The following TNKS variants were observed in gnomAD, a reference collection of about 807,000 sequenced individuals.
TNKS encodes the protein tankyrase, also known as poly [ADP-ribose] polymerase tankyrase-1.
Under a neutral mutation model 135.8 loss-of-function variants are expected in TNKS, and 72 were observed. That is an observed-to-expected ratio of 0.53 (90% CI 0.44 to 0.64). TNKS has a LOEUF of 0.64. Ranked by LOEUF, TNKS falls within the 30% of genes least tolerant of loss-of-function variation. The probability of loss-of-function intolerance (pLI) is 0.00; values close to 1 mark genes in which losing one functional copy is unlikely to be tolerated. For synonymous variants in TNKS, 849 were observed against 649.3 expected, an observed-to-expected ratio of 1.31 and a Z score of -4.68; for missense variants, 1,769 against 1,674.0, an observed-to-expected ratio of 1.06 and a Z score of -0.99.
At chr8:9,633,082 A>G (rs1487361248) in intron 3 of TNKS, among the ~76,000 whole-genome samples, 1 of 150,638 alleles carries the variant, frequency 6.6e-6, no homozygotes, top group African/African-American at 2.4e-5. Context: ...CATTATGGAA[A>G]ATGGTACATT....
At position 9,755,245 on chromosome 8, in the gene TNKS, A is replaced by C. The variant is rs550870578; in HGVS notation, c.3153+2619A>C. On this transcript the variant is annotated intron_variant, in intron 20 of 26. Transcript: ENST00000310430. ...ATTTTATTGATTTGAATAGTTTAAT[A>C]GTTTAGTCTCCTAGTCACTCCTTCT... Among the ~76,000 whole-genome samples the C allele has an allele frequency of 2.4e-4, 36 of 152,296 alleles. 2 individuals carry two copies. The South Asian group carries it at 7.2e-3, about 31-fold the overall frequency.
chr8:9,764,344 A>T (rs547700986), intron 22 of TNKS, among the ~76,000 whole-genome samples: 17 of 152,210 alleles, frequency 1.1e-4, no homozygotes, highest in African/African-American at 1.9e-4. Flanking sequence ...AATATTTTTT[A>T]AAAATTGTTT....
intron 20 of TNKS, among the ~76,000 whole-genome samples, chr8:9,757,753 C>G (rs879487675): frequency 2.0e-5 from 3 of 152,108 alleles, no homozygotes; most frequent in Non-Finnish European, 4.4e-5. Flanking sequence ...GTTATTTGGA[C>G]CAACTATGTA....
chr8:9,576,142 T>C (rs1390897250), intron 1 of TNKS, among the ~76,000 whole-genome samples: 1 of 152,162 alleles, frequency 6.6e-6, no homozygotes, highest in East Asian at 1.9e-4. Flanking sequence ...TAATTAGGAT[T>C]CCTCCTCTGG....
At chr8:9,740,262 C>G (rs1370362996) in intron 17 of TNKS, among the ~76,000 whole-genome samples, 1 of 152,060 alleles carries the variant, frequency 6.6e-6, no homozygotes, top group African/African-American at 2.4e-5. Flanking sequence ...TCCACTTAAT[C>G]CCTTCTTGAC....
intron 5 of TNKS, among the ~76,000 whole-genome samples, chr8:9,682,991 GT>G (rs992610584): frequency 3.3e-5 from 5 of 151,606 alleles, no homozygotes; most frequent in South Asian, 2.1e-4. Context: ...GATTATCAGG[GT>G]TTTTTTCAAA....
intron 6 of TNKS, 84 bp from the exon 7 acceptor site, chr8:9,706,103 T>G (rs918367017): frequency 2.0e-5 from 17 of 833,994 alleles, no homozygotes; most frequent in Non-Finnish European, 2.9e-5. Flanking sequence ...TGTATTGGGA[T>G]TTATTGGATT....
At chr8:9,770,457 T>TGTCA (rs1807760059) in intron 26 of TNKS, among the ~76,000 whole-genome samples, 195 bp downstream of exon 26, 1 of 152,240 alleles carries the variant, frequency 6.6e-6, no homozygotes, top group Non-Finnish European at 1.5e-5. Context: ...CATTAGTAGC[T>TGTCA]GTCAGCCACA....
chr8:9,708,893 A>G (rs1228858588), intron 9 of TNKS, among the ~76,000 whole-genome samples: 1 of 152,126 alleles, frequency 6.6e-6, no homozygotes. Context: ...TTTTTGAGCA[A>G]TTGTATTCAA....
In TNKS at chr8:9,596,995, T is replaced by C. The variant is rs946833346; in HGVS notation, c.898+16612T>C. 1.2e-4 allele frequency among the ~76,000 whole-genome samples: 19 copies of C among 152,386 alleles called. 1 individual carries two copies. The South Asian group carries it at 3.1e-3, about 25-fold the overall frequency. ...AATATAGGAGTGGTATACGAGGTAT[T>C]AAGGACAAATATGTAGATATGCCTT... On this transcript the variant is annotated intron_variant, in intron 2 of 26. Transcript: ENST00000310430.
chr8:9,642,541 G>C lies in TNKS; in HGVS notation c.994+26864G>C, dbSNP rs865908119. 4.1e-5 allele frequency among the ~76,000 whole-genome samples: 6 copies of C among 146,342 alleles called. 1 individual carries two copies. The highest frequency in any genetic ancestry group is 1.5e-4 in the African/African-American group (6 of 39,638). On this transcript the variant is annotated intron_variant, in intron 3 of 26. Coordinates refer to ENST00000310430, the MANE Select transcript of TNKS (RefSeq NM_003747.3). ...ATGTCATCCTTCATAAACGTGATCA[G>C]TCATGAACCATTTAGTTACATAATT...
At chr8:9,684,928 A>C (rs1375340490) in intron 5 of TNKS, among the ~76,000 whole-genome samples, 2 of 152,174 alleles carry the variant, frequency 1.3e-5, no homozygotes, top group Non-Finnish European at 2.9e-5. Flanking sequence ...ACAGTTATAA[A>C]GTGCTGATTT....
At chr8:9,579,225 T>C (rs2129053135) in intron 1 of TNKS, among the ~76,000 whole-genome samples, 1 of 152,344 alleles carries the variant, frequency 6.6e-6, no homozygotes, top group South Asian at 2.1e-4. Context: ...TATCGTTTCC[T>C]CAAACTAAGT....
intron 1 of TNKS, chr8:9,556,890 C>G (rs1815340612): frequency 7.3e-6 from 4 of 545,852 alleles, no homozygotes; most frequent in Admixed American, 3.3e-5. Flanking sequence ...GATATATTTA[C>G]ACTTTAGTTT....
chr8:9,614,875 C>A (rs1799581940), intron 2 of TNKS, among the ~76,000 whole-genome samples: 1 of 152,104 alleles, frequency 6.6e-6, no homozygotes, highest in African/African-American at 2.4e-5. Context: ...TTTGTAGGAA[C>A]CTCCATATTT....
At chr8:9,675,515 C>G (rs1307721567) in intron 3 of TNKS, among the ~76,000 whole-genome samples, 1 of 152,226 alleles carries the variant, frequency 6.6e-6, no homozygotes, top group Non-Finnish European at 1.5e-5. Flanking sequence ...GAATAGACCT[C>G]AGTGAATTTT....
At chr8:9,669,511 ATG>A (rs1802172297) in intron 3 of TNKS, among the ~76,000 whole-genome samples, 1 of 152,110 alleles carries the variant, frequency 6.6e-6, no homozygotes, top group African/African-American at 2.4e-5. Flanking sequence ...CTGTATTTTA[ATG>A]TGTTAGGTTA....
intron 3 of TNKS, among the ~76,000 whole-genome samples, chr8:9,673,498 G>A (rs918359290): frequency 7.0e-5 from 10 of 142,074 alleles, no homozygotes; most frequent in Non-Finnish European, 7.5e-5. Flanking sequence ...AGGCTGGAGT[G>A]CAGTGGTGCG....
At chr8:9,719,884 T>C (rs1804790777) in intron 11 of TNKS, among the ~76,000 whole-genome samples, 1 of 152,252 alleles carries the variant, frequency 6.6e-6, no homozygotes, top group Non-Finnish European at 1.5e-5. Flanking sequence ...ATGCTTGTAA[T>C]TCAATTAAGA....
Sources: allele counts gnomAD v4.1 joint callset (sites outside exome capture counted in the v4.1 genomes callset), GRCh38; gene constraint gnomAD v4.1.1; transcripts MANE v1.5; gene names NCBI Gene and HGNC (gene_info 2026-07-23, HGNC 2026-07-21).